The following FBXO11 variants were observed in gnomAD, a reference collection of about 807,000 sequenced individuals.
The protein encoded by FBXO11 is F-box only protein 11.
Under a neutral mutation model 117.0 loss-of-function variants are expected in FBXO11, and 13 were observed. The ratio of observed to expected loss-of-function variants is 0.11; its 90% CI spans 0.07 to 0.18. The LOEUF (loss-of-function observed/expected upper bound fraction) is 0.18, where lower values mean the gene tolerates loss of function less well. Ranked by LOEUF, FBXO11 falls within the 10% of genes least tolerant of loss-of-function variation. The pLI is 1.00. For synonymous variants in FBXO11, 490 were observed against 380.5 expected (o/e 1.29, Z -3.35); for missense variants, 767 against 1,164.4 (o/e 0.66, Z 4.97).
intron 1 of FBXO11, among the ~76,000 whole-genome samples, chr2:47,899,675 T>A (rs1677951685): frequency 6.6e-6 from 1 of 152,192 alleles, no homozygotes; most frequent in Non-Finnish European, 1.5e-5. Flanking sequence ...ATAATTTTAT[T>A]TTCACAGGGT....
In FBXO11 at chr2:47,816,259, C is replaced by A. The variant is rs111528154; in HGVS notation, c.2007-2392G>T. On this transcript the variant is annotated intron_variant, in intron 16 of 22. Coordinates refer to ENST00000403359, the MANE Select transcript of FBXO11 (RefSeq NM_001190274.2). Reference sequence around the variant, plus strand: ...CAGTGGTATAATCATAGCTCAGTGCCGCCTCGACTTCCTGGGCTCAAGCGA... The same window carrying A: ...CAGTGGTATAATCATAGCTCAGTGCAGCCTCGACTTCCTGGGCTCAAGCGA... Among the ~76,000 whole-genome samples, 33 of 152,162 alleles carry A rather than the reference C, an allele frequency of 2.2e-4. 1 individual carries two copies. The highest frequency in any genetic ancestry group is 7.9e-4 in the African/African-American group (33 of 41,526).
Position 47,905,877 on chromosome 2 carries a change from G to A in FBXO11, c.-157C>T. On this transcript the variant is annotated 5_prime_UTR_variant, in exon 1 of 23. Transcript: ENST00000403359. ...GACGCTGAGGGCGGAGGGGGCGAGC[G>A]GGACCCCGAGTCCGGAGAAAGGCCC... The A allele has an allele frequency of 1.3e-6, 1 of 756,052 alleles. No individual in the cohort carries two copies. Among genetic ancestry groups the A allele is most frequent in the Non-Finnish European group, 2.0e-6 (1 of 511,944 alleles). The allele number at this position is 756,052 out of a possible 1,614,324, so 46.8% of individuals were successfully genotyped here.
In FBXO11 at chr2:47,865,686, T is replaced by C. The variant is rs147211852; in HGVS notation, c.233-25917A>G. 4 of 152,326 alleles carry C rather than the reference T, an allele frequency of 2.6e-5. No homozygotes were observed. In the East Asian group the frequency reaches 7.7e-4, roughly 29 times the overall value. 9.4% of individuals were successfully genotyped at this position (152,326 alleles called of 1,614,324 possible). On this transcript the variant is annotated intron_variant, in intron 1 of 22. Coordinates refer to ENST00000403359, the MANE Select transcript of FBXO11 (RefSeq NM_001190274.2). Reference sequence around the variant, plus strand: ...ATAGTCATACAAAGTAAAAACACTCTACATTTGTGTAAAAATCTTAAATAA... The same window carrying C: ...ATAGTCATACAAAGTAAAAACACTCCACATTTGTGTAAAAATCTTAAATAA...
At chr2:47,841,193 G>A (rs774288138) in intron 1 of FBXO11, among the ~76,000 whole-genome samples, 53 of 151,894 alleles carry the variant, frequency 3.5e-4, no homozygotes, top group Non-Finnish European at 6.5e-4. Flanking sequence ...GCAAGACTCC[G>A]TCTCAAAAAA....
chr2:47,831,668 T>C (rs1672202584), intron 11 of FBXO11, among the ~76,000 whole-genome samples: 1 of 151,850 alleles, frequency 6.6e-6, no homozygotes, highest in Non-Finnish European at 1.5e-5. Flanking sequence ...TGAAAAAAAA[T>C]CTGAAAAGAC....
intron 17 of FBXO11, 89 bp from the exon 18 acceptor site, chr2:47,813,466 T>C (rs1670776120): frequency 1.3e-6 from 1 of 778,842 alleles, no homozygotes; most frequent in Admixed American, 4.4e-5. Context: ...AGTCTCGCTC[T>C]GTTGCCAGGC....
At chr2:47,835,593 G>A (rs1164876436) in intron 5 of FBXO11, among the ~76,000 whole-genome samples, 1 of 152,122 alleles carries the variant, frequency 6.6e-6, no homozygotes, top group Non-Finnish European at 1.5e-5. Flanking sequence ...TGCCTCCTGG[G>A]TTCAAGTGAT....
At chr2:47,810,219 A>G in intron 19 of FBXO11, 97 bp downstream of exon 19, 2 of 762,772 alleles carry the variant, frequency 2.6e-6, no homozygotes, top group East Asian at 5.7e-5. Context: ...CACACTTTGC[A>G]CATTTTAGTT....
intron 1 of FBXO11, among the ~76,000 whole-genome samples, chr2:47,881,284 G>A (rs1327861843): frequency 1.3e-5 from 2 of 152,038 alleles, no homozygotes; most frequent in Non-Finnish European, 2.9e-5. Flanking sequence ...AGGTATGTCT[G>A]GTCTTAGGGC....
intron 1 of FBXO11, among the ~76,000 whole-genome samples, chr2:47,858,812 AG>A (rs1267506256): frequency 3.3e-5 from 5 of 151,902 alleles, no homozygotes; most frequent in Non-Finnish European, 7.4e-5. Flanking sequence ...TGGGAGGCCA[AG>A]ACGGTTGGAT....
chr2:47,819,933 T>G (rs1403246617), intron 14 of FBXO11, among the ~76,000 whole-genome samples: 8 of 152,190 alleles, frequency 5.3e-5, no homozygotes, highest in African/African-American at 1.9e-4. Flanking sequence ...ATACACAGGT[T>G]TCAAAATTTT....
chr2:47,899,110 T>TA (rs1677901454), intron 1 of FBXO11, among the ~76,000 whole-genome samples: 1 of 151,784 alleles, frequency 6.6e-6, no homozygotes, highest in African/African-American at 2.4e-5. Context: ...CGGTCTCTAC[T>TA]AAAAATACAA....
At chr2:47,904,621 C>A (rs943928789) in intron 1 of FBXO11, among the ~76,000 whole-genome samples, 1 of 131,934 alleles carries the variant, frequency 7.6e-6, no homozygotes, top group Non-Finnish European at 1.6e-5. Flanking sequence ...CACACACACA[C>A]AAAATATCCC....
At chr2:47,833,377 G>A (rs369068418) in intron 7 of FBXO11, among the ~76,000 whole-genome samples, 1 of 152,084 alleles carries the variant, frequency 6.6e-6, no homozygotes, top group South Asian at 2.1e-4. Flanking sequence ...CAGCAGCACT[G>A]GAAACAGAAG....
chr2:47,809,101 A>C (rs956243974), intron 21 of FBXO11, 57 bp downstream of exon 21: 14 of 1,146,068 alleles, frequency 1.2e-5, no homozygotes, highest in Admixed American at 2.2e-5. Flanking sequence ...GGCATTGCTA[A>C]TTTAAAAAGG....
chr2:47,904,660 C>G (rs1270706520), intron 1 of FBXO11, among the ~76,000 whole-genome samples: 1 of 151,698 alleles, frequency 6.6e-6, no homozygotes, highest in East Asian at 1.9e-4. Flanking sequence ...AAGGGGCGTT[C>G]AAACCCCACT....
intron 1 of FBXO11, among the ~76,000 whole-genome samples, chr2:47,900,749 T>C (rs1251655041): frequency 9.3e-6 from 1 of 107,178 alleles, no homozygotes; most frequent in African/African-American, 3.8e-5. Context: ...TATATACACG[T>C]ATACACACAC....
At chr2:47,837,461 A>C (rs1672669594) in intron 4 of FBXO11, among the ~76,000 whole-genome samples, 1 of 152,216 alleles carries the variant, frequency 6.6e-6, no homozygotes, top group African/African-American at 2.4e-5. Flanking sequence ...CGGGAGGCAG[A>C]GGTTGCAGTG....
intron 5 of FBXO11, among the ~76,000 whole-genome samples, chr2:47,835,646 C>T (rs772911133): frequency 3.2e-4 from 49 of 151,980 alleles, no homozygotes; most frequent in Admixed American, 4.6e-4. Flanking sequence ...TACAGGTGTG[C>T]GCCACCATGT....
Sources: allele counts gnomAD v4.1 joint callset (sites outside exome capture counted in the v4.1 genomes callset), GRCh38; gene constraint gnomAD v4.1.1; transcripts MANE v1.5; gene names NCBI Gene and HGNC (gene_info 2026-07-23, HGNC 2026-07-21).